Variants in C17orf114 observed in about 807,000 individuals in gnomAD.
C17orf114 encodes the protein uncharacterized protein C17orf114.
upstream of C17orf114, among the ~76,000 whole-genome samples, chr17:4,804,133 T>C (rs945300496): frequency 1.3e-5 from 2 of 152,038 alleles, no homozygotes; most frequent in Admixed American, 6.6e-5. Context: ...GAGCATCTAG[T>C]CAAGAGCATC....
At chr17:4,806,902 C>G (rs1209816897), upstream of C17orf114, 2 of 149,334 alleles carry the variant, frequency 1.3e-5, no homozygotes, top group Non-Finnish European at 3.0e-5. Context: ...CGGCGCGGGA[C>G]GCCCCGACGC....
upstream of C17orf114, among the ~76,000 whole-genome samples, chr17:4,804,215 T>C (rs1385068113): frequency 2.6e-5 from 4 of 151,280 alleles, no homozygotes; most frequent in African/African-American, 7.3e-5. Flanking sequence ...TTTCTTTTTT[T>C]TTTTTTTGAG....
At chr17:4,802,439 T>C (rs939184574), upstream of C17orf114, 2 of 396,230 alleles carry the variant, frequency 5.0e-6, no homozygotes, top group Middle Eastern at 6.3e-4. Context: ...CGCCTGGTGA[T>C]TACAGGCGCC....
At chr17:4,804,732 C>T (rs537995127), upstream of C17orf114, among the ~76,000 whole-genome samples, 9 of 151,132 alleles carry the variant, frequency 6.0e-5, no homozygotes, top group South Asian at 4.2e-4. Flanking sequence ...CCGAGTAGTA[C>T]GCATCACCAC....
chr17:4,801,520 A>T lies in C17orf114; in HGVS notation c.74-65T>A, dbSNP rs116156639. On this transcript the variant is annotated intron_variant, in intron 1 of 1. Coordinates refer to ENST00000635921, the Ensembl canonical transcript of C17orf114. ...TCACCTCCTCCCTCACCCCCAACCCAGGGTTGAGGAGGGAAGAAGCAAGGG... is the reference window on the plus strand; with the variant it reads ...TCACCTCCTCCCTCACCCCCAACCCTGGGTTGAGGAGGGAAGAAGCAAGGG... 3.7e-3 allele frequency: 1,448 copies of T among 395,582 alleles called. 14 individuals are homozygous for T. Among genetic ancestry groups the T allele is most frequent in the African/African-American group, 0.022 (1,036 of 47,672 alleles). The allele number at this position is 395,582 out of a possible 1,614,324, so 24.5% of individuals were successfully genotyped here. A position where few individuals can be genotyped will look rare whatever the true frequency, so the allele number is the denominator to read the frequency against.
At chr17:4,806,811 G>T (rs1301335358), upstream of C17orf114, 1 of 150,464 alleles carries the variant, frequency 6.6e-6, no homozygotes, top group African/African-American at 2.4e-5. Context: ...GGCTGGAGGG[G>T]CCCGGGGCGG....
chr17:4,803,416 A>ATTTTTTTTTTTT (rs34116712), upstream of C17orf114, among the ~76,000 whole-genome samples: 2 of 75,450 alleles, frequency 2.7e-5, no homozygotes, highest in South Asian at 5.8e-4. Context: ...GTTTTTTTTA[A>ATTTTTTTTTTTT]TTTTTTTTTT....
upstream of C17orf114, among the ~76,000 whole-genome samples, chr17:4,804,496 G>A (rs1905594164): frequency 1.3e-5 from 2 of 151,806 alleles, no homozygotes; most frequent in Non-Finnish European, 2.9e-5. Context: ...GAGCCACTGC[G>A]CCCAGCCACA....
intron 1 of C17orf114, 40 bp downstream of exon 1, chr17:4,802,207 C>G (rs749168260): frequency 9.0e-5 from 36 of 399,162 alleles, no homozygotes; most frequent in Non-Finnish European, 1.3e-4. Context: ...GTCTCTCTGT[C>G]TGCCTGACAG....
chr17:4,804,181 G>A (rs1455440403), upstream of C17orf114, among the ~76,000 whole-genome samples: 3 of 151,782 alleles, frequency 2.0e-5, no homozygotes, highest in East Asian at 5.8e-4. Flanking sequence ...GTAAAGCTGT[G>A]GAAGTGCTGT....
chr17:4,805,812 G>A (rs563008154), upstream of C17orf114, among the ~76,000 whole-genome samples: 6 of 152,030 alleles, frequency 3.9e-5, no homozygotes, highest in African/African-American at 1.4e-4. Context: ...AATTAGCTGG[G>A]CGTGGTGGCG....
At chr17:4,804,058 GAA>G (rs1348775548), upstream of C17orf114, among the ~76,000 whole-genome samples, 4 of 152,074 alleles carry the variant, frequency 2.6e-5, no homozygotes, top group Non-Finnish European at 5.9e-5. Flanking sequence ...CTGAGCTTCT[GAA>G]GCATGTCCCC....
At chr17:4,805,680 G>A (rs1294897720), upstream of C17orf114, among the ~76,000 whole-genome samples, 1 of 147,254 alleles carries the variant, frequency 6.8e-6, no homozygotes, top group Non-Finnish European at 1.5e-5. Context: ...GGCCGGGCGC[G>A]GTGGCTCACG....
chr17:4,804,667 C>T (rs1229386500), upstream of C17orf114, among the ~76,000 whole-genome samples: 3 of 151,144 alleles, frequency 2.0e-5, no homozygotes, highest in Admixed American at 6.6e-5. Flanking sequence ...GGCACTGTCC[C>T]GGCTCACTGC....
At chr17:4,806,366 G>A (rs963900048), upstream of C17orf114, among the ~76,000 whole-genome samples, 1 of 152,148 alleles carries the variant, frequency 6.6e-6, no homozygotes, top group Admixed American at 6.6e-5. Flanking sequence ...CAAACTTACA[G>A]GAATGTTTAC....
upstream of C17orf114, among the ~76,000 whole-genome samples, chr17:4,806,381 G>C (rs940792985): frequency 2.6e-5 from 4 of 152,142 alleles, no homozygotes; most frequent in South Asian, 2.1e-4. Context: ...GTTTACAGGA[G>C]CTAAAACAAT....
upstream of C17orf114, chr17:4,802,397 A>G (rs1905536114): frequency 2.5e-6 from 1 of 398,298 alleles, no homozygotes; most frequent in Non-Finnish European, 4.4e-6. Context: ...AAGCCCCCCC[A>G]CCATGGGCAA....
chr17:4,803,570 G>A (rs1905568601), upstream of C17orf114, among the ~76,000 whole-genome samples: 2 of 150,780 alleles, frequency 1.3e-5, no homozygotes, highest in East Asian at 2.0e-4. Context: ...GACTATAGGC[G>A]CCCACCACCA....
At chr17:4,806,409 C>G (rs919414214), upstream of C17orf114, among the ~76,000 whole-genome samples, 1 of 152,138 alleles carries the variant, frequency 6.6e-6, no homozygotes, top group Non-Finnish European at 1.5e-5. Flanking sequence ...ACTAGAAACC[C>G]ACATGTATAT....
Sources: gnomAD v4.1 joint callset for allele counts (sites outside exome capture counted in the v4.1 genomes callset) on GRCh38, gnomAD v4.1.1 for gene constraint, MANE v1.5 for transcripts, NCBI Gene and HGNC (gene_info 2026-07-23, HGNC 2026-07-21) for gene names.